CDH12: variants seen among roughly 807,000 people sequenced by gnomAD.
CDH12 encodes cadherin-12.
A neutral mutation model predicts 74.1 loss-of-function variants in CDH12; 41 were observed. That is an observed-to-expected ratio of 0.55 (90% CI 0.43 to 0.72). CDH12 has a LOEUF of 0.72. Among genes scored for constraint, CDH12 ranks in the 30% least tolerant of loss-of-function variants. CDH12 has a pLI of 0.00. For missense variants in CDH12, 945 were observed against 977.2 expected (o/e 0.97, Z 0.44); for synonymous variants, 399 against 355.0 (o/e 1.12, Z -1.39).
chr5:21,808,628 G>A (rs1485798238), intron 9 of CDH12, among the ~76,000 whole-genome samples: 2 of 151,896 alleles, frequency 1.3e-5, no homozygotes, highest in African/African-American at 2.4e-5. Flanking sequence ...CTTATAAATA[G>A]GTTTATTACA....
intron 3 of CDH12, among the ~76,000 whole-genome samples, chr5:22,324,111 G>C (rs1444321947): frequency 6.6e-6 from 1 of 152,132 alleles, no homozygotes; most frequent in Non-Finnish European, 1.5e-5. Flanking sequence ...AATTCACAAT[G>C]ATTAGATGAC....
intron 5 of CDH12, among the ~76,000 whole-genome samples, chr5:21,983,761 C>A (rs533939504): frequency 1.3e-5 from 2 of 152,004 alleles, no homozygotes; most frequent in Admixed American, 6.6e-5. Flanking sequence ...ATTGTCATAT[C>A]TTTTGGACTA....
intron 4 of CDH12, among the ~76,000 whole-genome samples, chr5:22,084,980 T>C (rs1742971094): frequency 6.6e-6 from 1 of 152,192 alleles, no homozygotes; most frequent in Admixed American, 6.5e-5. Flanking sequence ...ATGTGAACCT[T>C]AAGGAAGACA....
chr5:22,552,939 T>C (rs538105041), intron 1 of CDH12, among the ~76,000 whole-genome samples: 4 of 152,160 alleles, frequency 2.6e-5, no homozygotes. Context: ...AAAATCTACA[T>C]GAATTAACAT....
At chr5:22,573,783 A>C (rs1284100106) in intron 1 of CDH12, among the ~76,000 whole-genome samples, 1 of 152,124 alleles carries the variant, frequency 6.6e-6, no homozygotes, top group Non-Finnish European at 1.5e-5. Context: ...TTTGGAGATT[A>C]TGTCTCCTCT....
intron 2 of CDH12, among the ~76,000 whole-genome samples, chr5:22,478,275 G>A (rs1746248440): frequency 1.3e-5 from 2 of 151,698 alleles, no homozygotes; most frequent in South Asian, 2.1e-4. Context: ...AAAATAAGCC[G>A]GGCGAGGTGG....
chr5:21,895,752 C>A (rs1448417051), intron 6 of CDH12, among the ~76,000 whole-genome samples: 1 of 152,138 alleles, frequency 6.6e-6, no homozygotes, highest in African/African-American at 2.4e-5. Context: ...TGCCCAAGTG[C>A]CCAGGTAGTA....
At chr5:22,202,952 AT>A (rs1751007811) in intron 4 of CDH12, among the ~76,000 whole-genome samples, 2 of 152,088 alleles carry the variant, frequency 1.3e-5, no homozygotes, top group African/African-American at 4.8e-5. Flanking sequence ...GTCTTTTTAA[AT>A]TTTTTAAAAT....
At position 22,078,624 on chromosome 5, in the gene CDH12, C is replaced by A. The variant is rs1742501716; in HGVS notation, c.53G>T (p.Gly18Val). The A allele has an allele frequency of 6.2e-7, 1 of 1,613,826 alleles. No individual in the cohort carries two copies. The highest frequency in any genetic ancestry group is 8.5e-7 in the Non-Finnish European group (1 of 1,179,834). The part of the protein sequence containing the change: ...SLLLWVLFDG[G>V]LLTPLQPQPQ... ...CTGTGGTTGTAGTGGTGTTAGGAGA[C>A]CTCCATCAAACAGAACCCAGAGAAG... The change falls in exon 5 of 15, where the codon GGT becomes GTT. Residue 18 changes from glycine (G) to valine (V), a missense_variant. By Grantham distance (109) the Gly-to-Val change is moderately radical. Around this residue, in one of 3 missense-constraint regions of CDH12, gnomAD observed 148 missense variants for 162.8 expected, o/e 0.91. Coordinates refer to ENST00000382254, the MANE Select transcript of CDH12 (RefSeq NM_004061.5).
intron 5 of CDH12, among the ~76,000 whole-genome samples, chr5:22,048,950 C>A (rs1740155669): frequency 1.3e-5 from 2 of 152,056 alleles, no homozygotes; most frequent in African/African-American, 2.4e-5. Context: ...AAAGATTAAT[C>A]CATTCATACT....
intron 4 of CDH12, among the ~76,000 whole-genome samples, chr5:22,168,133 C>T (rs914420475): frequency 3.2e-4 from 48 of 151,966 alleles, no homozygotes; most frequent in Admixed American, 1.6e-3. Context: ...AGTTCTGTAC[C>T]GATATCATCT....
At chr5:22,781,325 A>G (rs1236682278) in intron 1 of CDH12, among the ~76,000 whole-genome samples, 1 of 152,194 alleles carries the variant, frequency 6.6e-6, no homozygotes, top group Non-Finnish European at 1.5e-5. Context: ...ATTGATACAC[A>G]TTTTCAGTTT....
intron 1 of CDH12, among the ~76,000 whole-genome samples, chr5:22,843,415 C>T (rs1199156975): frequency 6.6e-6 from 1 of 152,022 alleles, no homozygotes; most frequent in African/African-American, 2.4e-5. Context: ...CCATGGTTGT[C>T]ATCTCTACAC....
At chr5:22,465,408 G>T (rs2551492) in intron 2 of CDH12, among the ~76,000 whole-genome samples, 65,098 of 151,978 alleles carry the variant, frequency 0.43, 14,407 homozygotes, top group Admixed American at 0.61. Flanking sequence ...ACTTTGTGAG[G>T]GCGAATAGGG....
chr5:22,161,514 T>A (rs1268588530), intron 4 of CDH12, among the ~76,000 whole-genome samples: 2 of 151,912 alleles, frequency 1.3e-5, no homozygotes, highest in East Asian at 3.9e-4. Flanking sequence ...TTGGACAACA[T>A]AGCAAGACCC....
At chr5:22,163,025 T>C (rs1444584851) in intron 4 of CDH12, among the ~76,000 whole-genome samples, 2 of 151,564 alleles carry the variant, frequency 1.3e-5, no homozygotes, top group African/African-American at 4.9e-5. Context: ...GCCTCCTGAG[T>C]AGCTGGGATT....
chr5:22,534,534 A>G (rs1351338787), intron 1 of CDH12, among the ~76,000 whole-genome samples: 1 of 152,150 alleles, frequency 6.6e-6, no homozygotes. Flanking sequence ...TATCCTACTC[A>G]GCCACAAGCA....
intron 2 of CDH12, among the ~76,000 whole-genome samples, chr5:22,498,030 T>C (rs1463468402): frequency 6.6e-6 from 1 of 152,166 alleles, no homozygotes; most frequent in Admixed American, 6.5e-5. Flanking sequence ...TGAATAGCTC[T>C]TACCTTAGCG....
chr5:22,626,295 A>G (rs1203983406), intron 1 of CDH12, among the ~76,000 whole-genome samples: 1 of 152,200 alleles, frequency 6.6e-6, no homozygotes, highest in African/African-American at 2.4e-5. Context: ...GCAAACACAG[A>G]TTCCACTGCC....
Sources: allele counts gnomAD v4.1 joint callset (sites outside exome capture counted in the v4.1 genomes callset), GRCh38; gene constraint gnomAD v4.1.1; regional missense constraint gnomAD v4.1.1; transcripts MANE v1.5; gene names NCBI Gene and HGNC (gene_info 2026-07-23, HGNC 2026-07-21).